POLA1: variants seen among roughly 807,000 people sequenced by gnomAD.
POLA1 encodes the protein DNA polymerase alpha 1, catalytic subunit.
Under a neutral mutation model 124.0 loss-of-function variants are expected in POLA1, and 15 were observed. The ratio of observed to expected loss-of-function variants is 0.12; its 90% CI spans 0.08 to 0.19. The LOEUF is 0.19. Ranked by LOEUF, POLA1 falls within the 10% of genes least tolerant of loss-of-function variation. The probability of loss-of-function intolerance (pLI) is 1.00; values close to 1 mark genes in which losing one functional copy is unlikely to be tolerated. For missense variants in POLA1, 886 were observed against 1,103.4 expected, an observed-to-expected ratio of 0.80 and a Z score of 2.79; for synonymous variants, 408 against 389.4, an observed-to-expected ratio of 1.05 and a Z score of -0.56.
intron 36 of POLA1, among the ~76,000 whole-genome samples, chrX:24,971,125 G>A (rs921019599): frequency 8.9e-6 from 1 of 112,488 alleles, no homozygotes; most frequent in East Asian, 2.8e-4. Flanking sequence ...TAGCCATCCT[G>A]TGATTTCAAT....
chrX:24,703,147 C>T, intron 2 of POLA1, 104 bp from the exon 3 acceptor site: 1 of 534,836 alleles, frequency 1.9e-6, no homozygotes, highest in South Asian at 3.1e-5. Flanking sequence ...GCTACTCCTT[C>T]AGTCTGCCAT....
At chrX:24,858,457 T>C (rs1345144465) in intron 34 of POLA1, among the ~76,000 whole-genome samples, 1 of 112,127 alleles carries the variant, frequency 8.9e-6, no homozygotes, top group Non-Finnish European at 1.9e-5. Context: ...TGACTGTGAC[T>C]CACCATAGTC....
intron 34 of POLA1, among the ~76,000 whole-genome samples, chrX:24,876,679 G>A (rs1259235836): frequency 3.9e-5 from 4 of 101,319 alleles, no homozygotes; most frequent in African/African-American, 1.6e-4. Flanking sequence ...TTTGTCTGGG[G>A]TCGGGGGGGG....
chrX:24,895,035 A>T (rs1026857796), intron 35 of POLA1, among the ~76,000 whole-genome samples: 4 of 110,422 alleles, frequency 3.6e-5, no homozygotes, highest in African/African-American at 9.9e-5. Context: ...TGACCTCCCA[A>T]AATGCTGAGA....
intron 20 of POLA1, among the ~76,000 whole-genome samples, chrX:24,740,712 C>T (rs925864651): frequency 4.5e-5 from 5 of 111,208 alleles, no homozygotes; most frequent in South Asian, 3.8e-4. Flanking sequence ...CAGATTTGCA[C>T]GCAGCTCAGG....
intron 22 of POLA1, 38 bp downstream of exon 22, chrX:24,742,159 ACCCCC>A: frequency 1.1e-5 from 9 of 831,282 alleles, no homozygotes; most frequent in Non-Finnish European, 1.4e-5. Flanking sequence ...TTTTCTCTTA[ACCCCC>A]CCCCCCCTTT....
At chrX:24,832,832 GTTATT>G (rs2046284051) in intron 32 of POLA1, among the ~76,000 whole-genome samples, 1 of 112,037 alleles carries the variant, frequency 8.9e-6, no homozygotes, top group Non-Finnish European at 1.9e-5. Flanking sequence ...TATTAATACT[GTTATT>G]TTATTATTAA....
At chrX:24,799,326 A>G (rs2045665981) in intron 26 of POLA1, among the ~76,000 whole-genome samples, 1 of 112,363 alleles carries the variant, frequency 8.9e-6, no homozygotes, top group Admixed American at 9.4e-5. Flanking sequence ...ATTGAGCTTC[A>G]GACCAGGTGT....
intron 4 of POLA1, among the ~76,000 whole-genome samples, chrX:24,708,234 C>T (rs1223312382): frequency 1.8e-5 from 2 of 111,226 alleles, no homozygotes; most frequent in African/African-American, 6.5e-5. Flanking sequence ...ACTATCAAGA[C>T]CTGAATTTTA....
chrX:24,757,436 C>CTTT (rs66782103), intron 26 of POLA1, among the ~76,000 whole-genome samples: 9 of 62,119 alleles, frequency 1.4e-4, no homozygotes, highest in African/African-American at 4.1e-4. Flanking sequence ...AAATCTGAAA[C>CTTT]TTTTTTTTTT....
chrX:24,867,678 A>G (rs1273771191), intron 34 of POLA1, among the ~76,000 whole-genome samples: 1 of 111,894 alleles, frequency 8.9e-6, no homozygotes, highest in East Asian at 2.8e-4. Flanking sequence ...ATATAATTTA[A>G]TATCAAGCTA....
At chrX:24,980,624 A>G in intron 36 of POLA1, among the ~76,000 whole-genome samples, 1 of 110,674 alleles carries the variant, frequency 9.0e-6, no homozygotes, top group East Asian at 2.8e-4. Context: ...TATCTAGTGT[A>G]AACTAAAACA....
At chrX:24,761,879 A>T (rs1476067746) in intron 26 of POLA1, among the ~76,000 whole-genome samples, 1 of 112,049 alleles carries the variant, frequency 8.9e-6, no homozygotes, top group Non-Finnish European at 1.9e-5. Flanking sequence ...TTCGGTAATG[A>T]TTCCAGTAAA....
intron 4 of POLA1, among the ~76,000 whole-genome samples, chrX:24,705,035 TGTTA>T (rs1196485280): frequency 9.0e-6 from 1 of 111,580 alleles, no homozygotes; most frequent in Non-Finnish European, 1.9e-5. Flanking sequence ...TTGTTTAGTT[TGTTA>T]ATTAGTTTTC....
At chrX:24,936,735 G>A (rs1039297004) in intron 36 of POLA1, among the ~76,000 whole-genome samples, 47 of 111,361 alleles carry the variant, frequency 4.2e-4, no homozygotes, top group African/African-American at 1.5e-3. Context: ...GTTTCACCGC[G>A]TTAGTCAGGA....
chrX:24,884,675 G>C (rs1196184157), intron 34 of POLA1, among the ~76,000 whole-genome samples: 2 of 112,019 alleles, frequency 1.8e-5, no homozygotes, highest in Non-Finnish European at 3.8e-5. Flanking sequence ...GAAGCATAAA[G>C]AGTTACAGGC....
chrX:24,755,911 ATTG>A (rs1240883931), intron 26 of POLA1, among the ~76,000 whole-genome samples: 18 of 112,077 alleles, frequency 1.6e-4, no homozygotes, highest in Admixed American at 1.5e-3. Context: ...ACGTTCCTGT[ATTG>A]TTCCTGTATT....
intron 26 of POLA1, among the ~76,000 whole-genome samples, chrX:24,783,306 C>T (rs193175201): frequency 9.0e-6 from 1 of 111,673 alleles, no homozygotes; most frequent in East Asian, 2.8e-4. Context: ...GAGGCAACAA[C>T]CATAACAACA....
chrX:24,712,528 CCTTTATCTGTGATACATAT>C (rs1929531078), intron 4 of POLA1, among the ~76,000 whole-genome samples: 1 of 111,749 alleles, frequency 8.9e-6, no homozygotes, highest in Non-Finnish European at 1.9e-5. Context: ...GGAAATTGGT[CCTTTATCTGTGATACATAT>C]TGCACAAATT....
Sources: gnomAD v4.1 joint callset for allele counts (sites outside exome capture counted in the v4.1 genomes callset) on GRCh38, gnomAD v4.1.1 for gene constraint, MANE v1.5 for transcripts, NCBI Gene and HGNC (gene_info 2026-07-23, HGNC 2026-07-21) for gene names.